Variants in KANK1 observed in about 807,000 individuals in gnomAD.
KANK1 encodes KN motif and ankyrin repeat domain-containing protein 1.
In KANK1, 109 loss-of-function variants were observed where a neutral mutation model predicts 106.2. The observed-to-expected ratio is 1.03, with a 90% CI of 0.88 to 1.20. KANK1 has a LOEUF of 1.20. Ranked by LOEUF, KANK1 falls within the 50% of genes most tolerant of loss-of-function variation. The probability of loss-of-function intolerance (pLI) is 0.00; values close to 1 mark genes in which losing one functional copy is unlikely to be tolerated. For synonymous variants in KANK1, 873 were observed against 652.2 expected (o/e 1.34, Z -5.16); for missense variants, 2,399 against 1,710.7 (o/e 1.40, Z -7.10).
intron 3 of KANK1, among the ~76,000 whole-genome samples, chr9:716,751 G>C (rs138910081): frequency 7.2e-5 from 11 of 152,256 alleles, no homozygotes; most frequent in African/African-American, 2.4e-4. Flanking sequence ...TACAACTAGA[G>C]CATGCATCAT....
chr9:660,458 G>T, intron 1 of KANK1: 1 of 154,420 alleles, frequency 6.5e-6, no homozygotes, highest in South Asian at 1.9e-4. Context: ...CTTTTAACTT[G>T]ACCTAGTGTA....
chr9:707,075 G>C, intron 2 of KANK1: 2 of 985,446 alleles, frequency 2.0e-6, no homozygotes, highest in Non-Finnish European at 2.4e-6. Flanking sequence ...GGGAGACCTC[G>C]CCGGTGAAAG....
chr9:518,011 T>A (rs2059367984), intron 1 of KANK1, among the ~76,000 whole-genome samples: 1 of 151,626 alleles, frequency 6.6e-6, no homozygotes, highest in South Asian at 2.1e-4. Flanking sequence ...GTGCTGGGAT[T>A]ACAGGCATGA....
At chr9:578,311 CTT>C (rs1280240035) in intron 1 of KANK1, among the ~76,000 whole-genome samples, 1 of 148,014 alleles carries the variant, frequency 6.8e-6, no homozygotes, top group African/African-American at 2.6e-5. Flanking sequence ...TCTTGAGTCT[CTT>C]TATTTTATTT....
At position 611,078 on chromosome 9, in the gene KANK1, A is replaced by G. The variant is rs1045168039; in HGVS notation, c.-83-65812A>G. ...GGCATTATTATAATTAGGTTACCTT[A>G]TCACTCCACCTGCCAGCCCTATCTC... On this transcript the variant is annotated intron_variant, in intron 1 of 11. Coordinates refer to ENST00000382297, the MANE Select transcript of KANK1 (RefSeq NM_015158.5). Among the ~76,000 whole-genome samples the G allele has an allele frequency of 3.3e-5, 5 of 152,246 alleles. No individual in the cohort carries two copies. The East Asian group carries it at 9.7e-4, about 29-fold the overall frequency.
chr9:558,134 A>G (rs769082333), intron 1 of KANK1, among the ~76,000 whole-genome samples: 1 of 152,202 alleles, frequency 6.6e-6, no homozygotes, highest in African/African-American at 2.4e-5. Context: ...CACCTTTGAA[A>G]AGGCTAGAGG....
intron 1 of KANK1, among the ~76,000 whole-genome samples, chr9:527,150 A>G (rs1261485591): frequency 6.6e-6 from 1 of 151,680 alleles, no homozygotes; most frequent in Non-Finnish European, 1.5e-5. Context: ...ACCTCAGGGT[A>G]GCTGTCCATT....
At chr9:644,626 A>T (rs1839247143) in intron 1 of KANK1, among the ~76,000 whole-genome samples, 1 of 150,640 alleles carries the variant, frequency 6.6e-6, no homozygotes, top group Non-Finnish European at 1.5e-5. Context: ...CCAGAACAGC[A>T]CCCAGGGGAT....
At chr9:504,883 C>CGGTCGT (rs2058670167) in intron 1 of KANK1, 129 bp downstream of exon 1, 1 of 149,200 alleles carries the variant, frequency 6.7e-6, no homozygotes, top group African/African-American at 2.4e-5. Context: ...GGTTGCGCGG[C>CGGTCGT]GGCCGTGGCG....
chr9:596,661 C>T lies in KANK1; in HGVS notation c.-83-80229C>T, dbSNP rs142511237. On this transcript the variant is annotated intron_variant, in intron 1 of 11. Coordinates refer to ENST00000382297, the MANE Select transcript of KANK1 (RefSeq NM_015158.5). ...TGTCATGGTAAAGTAATGAAGTCCA[C>T]CATCATTACTTTACCAGTTCCCCAT... 4.3e-3 allele frequency among the ~76,000 whole-genome samples: 648 copies of T among 151,866 alleles called. 25 individuals are homozygous for T. Among genetic ancestry groups the T allele is most frequent in the African/African-American group, 0.015 (613 of 41,184 alleles).
chr9:599,541 T>C (rs1349211073), intron 1 of KANK1, among the ~76,000 whole-genome samples: 1 of 151,880 alleles, frequency 6.6e-6, no homozygotes, highest in South Asian at 2.1e-4. Flanking sequence ...TACATAATTA[T>C]AGATTGTGTC....
At chr9:562,258 TAGCC>T in intron 1 of KANK1, among the ~76,000 whole-genome samples, 2 of 151,160 alleles carry the variant, frequency 1.3e-5, no homozygotes, top group East Asian at 3.9e-4. Flanking sequence ...TTCACCTTGT[TAGCC>T]AGGATGGTCT....
intron 1 of KANK1, among the ~76,000 whole-genome samples, chr9:659,166 T>G (rs1414691467): frequency 2.0e-5 from 3 of 152,232 alleles, no homozygotes; most frequent in African/African-American, 7.2e-5. Flanking sequence ...TGCTGAGTTC[T>G]CAGTCAATAT....
chr9:736,691 C>A (rs1022554300), intron 7 of KANK1, among the ~76,000 whole-genome samples: 1 of 137,836 alleles, frequency 7.3e-6, no homozygotes, highest in East Asian at 2.2e-4. Flanking sequence ...CAGAGTGACA[C>A]CCTCTCAAAA....
At chr9:708,569 TG>T (rs1564026744) in intron 2 of KANK1, among the ~76,000 whole-genome samples, 1 of 152,216 alleles carries the variant, frequency 6.6e-6, no homozygotes, top group East Asian at 1.9e-4. Context: ...TTCCTCTGCT[TG>T]GCAATCTTAT....
intron 3 of KANK1, among the ~76,000 whole-genome samples, chr9:714,790 C>T (rs1285027385): frequency 6.6e-6 from 1 of 152,162 alleles, no homozygotes; most frequent in Admixed American, 6.5e-5. Context: ...TACAGTAATT[C>T]CCTGTGAGCC....
chr9:737,251 C>G (rs1306542159), intron 7 of KANK1, among the ~76,000 whole-genome samples: 1 of 151,928 alleles, frequency 6.6e-6, no homozygotes, highest in Non-Finnish European at 1.5e-5. Context: ...TTCAAGTGAC[C>G]CAAAATGTGA....
chr9:476,536 A>C (rs1001170937), intron 3 of KANK1: 1 of 152,176 alleles, frequency 6.6e-6, no homozygotes, highest in East Asian at 1.9e-4. Flanking sequence ...AACAAAAAAA[A>C]AATCCCAGGT....
At chr9:533,361 C>G (rs1238637360) in intron 1 of KANK1, among the ~76,000 whole-genome samples, 1 of 152,158 alleles carries the variant, frequency 6.6e-6, no homozygotes, top group Non-Finnish European at 1.5e-5. Flanking sequence ...CTTTCTAAGT[C>G]TGTTTTTCCA....
Sources: allele counts gnomAD v4.1 joint callset (sites outside exome capture counted in the v4.1 genomes callset), GRCh38; gene constraint gnomAD v4.1.1; transcripts MANE v1.5; gene names NCBI Gene and HGNC (gene_info 2026-07-23, HGNC 2026-07-21).